NRTN: variants seen among roughly 807,000 people sequenced by gnomAD.
NRTN encodes neurturin, also known as prepro-neurturin.
A neutral mutation model predicts 7.5 loss-of-function variants in NRTN; 3 were observed. The ratio of observed to expected loss-of-function variants is 0.40; its 90% CI spans 0.18 to 1.03. NRTN has a LOEUF of 1.03. Among genes scored for constraint, NRTN ranks in the 50% least tolerant of loss-of-function variants. NRTN has a pLI of 0.34. For missense variants in NRTN, 310 were observed against 307.0 expected, an observed-to-expected ratio of 1.01 and a Z score of -0.07; for synonymous variants, 157 against 146.6, an observed-to-expected ratio of 1.07 and a Z score of -0.51.
intron 1 of NRTN, among the ~76,000 whole-genome samples, chr19:5,822,596 G>C (rs569310355): frequency 1.3e-5 from 2 of 152,220 alleles, no homozygotes; most frequent in South Asian, 2.1e-4. Flanking sequence ...GTAAAGCTCA[G>C]GGCATTCCTG....
chr19:5,819,072 T>G (rs894415003), intron 1 of NRTN, among the ~76,000 whole-genome samples: 1 of 152,100 alleles, frequency 6.6e-6, no homozygotes, highest in African/African-American at 2.4e-5. Flanking sequence ...CTTGAATGTG[T>G]GGGCAAGCAG....
rs1396945880 is a variant in NRTN at position 5,823,756 on chromosome 19, CT to C, written c.-398-11del. On this transcript the variant is annotated splice_polypyrimidine_tract_variant and intron_variant, in intron 1 of 2. Coordinates refer to ENST00000303212, the MANE Select transcript of NRTN (RefSeq NM_004558.5). ...ACCTCTCCTCCTTTCACTCTTCCCC[CT>C]GGCTCCTCAGCTGCAGCCGCTCCGG... 3 of 338,154 alleles carry C rather than the reference CT, an allele frequency of 8.9e-6. No individual in the cohort carries two copies. Among genetic ancestry groups the C allele is most frequent in the Admixed American group, 4.3e-5 (1 of 23,090 alleles). 20.9% of individuals were successfully genotyped at this position (338,154 alleles called of 1,614,324 possible).
At chr19:5,810,395 G>A (rs995102153) in intron 1 of NRTN, among the ~76,000 whole-genome samples, 1 of 151,498 alleles carries the variant, frequency 6.6e-6, no homozygotes, top group South Asian at 2.1e-4. Flanking sequence ...TTATAGGCAT[G>A]AGCCACCACA....
chr19:5,828,324 A>T lies in NRTN; in HGVS notation c.*151A>T. The T allele has an allele frequency of 4.5e-6, 4 of 891,744 alleles. No individual in the cohort carries two copies. The highest frequency in any genetic ancestry group is 6.4e-6 in the Non-Finnish European group (4 of 629,188). The allele number at this position is 891,744 out of a possible 1,614,324, so 55.2% of individuals were successfully genotyped here. ...TACTGAGATAAAGTGTGGCAACTCG[A>T]GCTGGCTGGTGATTCATCCTCGGCG... On this transcript the variant is annotated 3_prime_UTR_variant, in exon 3 of 3. Coordinates refer to ENST00000303212, the MANE Select transcript of NRTN (RefSeq NM_004558.5).
intron 1 of NRTN, among the ~76,000 whole-genome samples, chr19:5,813,272 T>C (rs376398660): frequency 1.5e-3 from 228 of 151,024 alleles, no homozygotes; most frequent in African/African-American, 4.9e-3. Context: ...CAGTGGTTCA[T>C]GCCTATAATT....
At chr19:5,827,605 G>T in intron 2 of NRTN, 144 bp from the exon 3 acceptor site, 2 of 278,802 alleles carry the variant, frequency 7.2e-6, no homozygotes, top group Non-Finnish European at 1.2e-5. Flanking sequence ...GGGGAAATTT[G>T]GGACCTGGGA....
chr19:5,822,594 CAG>C (rs1354314982), intron 1 of NRTN, among the ~76,000 whole-genome samples: 1 of 152,212 alleles, frequency 6.6e-6, no homozygotes, highest in Non-Finnish European at 1.5e-5. Flanking sequence ...GGGTAAAGCT[CAG>C]GGCATTCCTG....
chr19:5,821,966 A>G (rs2057026300), intron 1 of NRTN, among the ~76,000 whole-genome samples: 1 of 152,166 alleles, frequency 6.6e-6, no homozygotes, highest in Non-Finnish European at 1.5e-5. Flanking sequence ...ACCCTTGGAC[A>G]AGCCCCTACC....
rs539111910 is a variant in NRTN at position 5,826,443 on chromosome 19, G to C, written c.170-1306G>C. On this transcript the variant is annotated intron_variant, in intron 2 of 2. Transcript: ENST00000303212. ...ACTGAGGCCTGAGGTTGCAAGTGGC[G>C]AAAGTGGCAGAGTCATGCTCTGAGG... Among the ~76,000 whole-genome samples, 271 of 152,270 alleles carry C rather than the reference G, an allele frequency of 1.8e-3. 1 individual carries two copies. The highest frequency in any genetic ancestry group is 6.2e-3 in the African/African-American group (258 of 41,546).
At chr19:5,815,500 C>G (rs1418865798) in intron 1 of NRTN, among the ~76,000 whole-genome samples, 2 of 148,448 alleles carry the variant, frequency 1.3e-5, no homozygotes, top group Non-Finnish European at 3.0e-5. Flanking sequence ...GGCGCGATCT[C>G]GGCTCACTGC....
intron 2 of NRTN, 98 bp from the exon 3 acceptor site, chr19:5,827,651 C>G (rs1438088645): frequency 4.1e-6 from 2 of 484,776 alleles, no homozygotes; most frequent in Non-Finnish European, 5.6e-6. Flanking sequence ...GGCGTCCCAG[C>G]AAGGGTCTTC....
chr19:5,817,393 G>A lies in NRTN; in HGVS notation c.-398-6375G>A, dbSNP rs2057008189. ...AGGGAAGGAAGGAGGGAGGAAAGGAGTGAGGGAGGGAGGGAAAGAGAGAGG... is the reference window on the plus strand; with the variant it reads ...AGGGAAGGAAGGAGGGAGGAAAGGAATGAGGGAGGGAGGGAAAGAGAGAGG... On this transcript the variant is annotated intron_variant, in intron 1 of 2. Transcript: ENST00000303212. Among the ~76,000 whole-genome samples the A allele has an allele frequency of 2.0e-5, 3 of 148,954 alleles. No individual in the cohort carries two copies. In the South Asian group the frequency reaches 6.5e-4, roughly 32 times the overall value.
At chr19:5,820,546 C>T (rs139143223) in intron 1 of NRTN, among the ~76,000 whole-genome samples, 1 of 132,648 alleles carries the variant, frequency 7.5e-6, no homozygotes, top group East Asian at 2.1e-4. Context: ...GCCTGGGCGA[C>T]AGAGTGAGAC....
rs527278706 is a variant in NRTN, at chr19:5,805,631, G to T, written c.-399+180G>T. ...GAGGGACGACAGGTCAGCGCGTGGG[G>T]AGGGGCGGGGGCGTGAAGCCAGATC... On this transcript the variant is annotated intron_variant, in intron 1 of 2. Coordinates refer to ENST00000303212, the MANE Select transcript of NRTN (RefSeq NM_004558.5). Among the ~76,000 whole-genome samples, 8 of 152,030 alleles carry T rather than the reference G, an allele frequency of 5.3e-5. No homozygotes were observed. In the South Asian group the frequency reaches 1.7e-3, roughly 32 times the overall value.
In NRTN at chr19:5,828,033, C is replaced by T. The variant is rs749709612; in HGVS notation, c.454C>T (p.Arg152Trp). 2 of 1,414,304 alleles carry T rather than the reference C, an allele frequency of 1.4e-6. No individual in the cohort carries two copies. Among genetic ancestry groups the T allele is most frequent in the Non-Finnish European group, 1.8e-6 (2 of 1,092,920 alleles). The allele number at this position is 1,414,304 out of a possible 1,614,324, so 87.6% of individuals were successfully genotyped here. A position where few individuals can be genotyped will look rare whatever the true frequency, so the allele number is the denominator to read the frequency against. ...CGGGCTGCGACGACTGCGCCAGCGG[C>T]GGCGCCTGCGGCGGGAGCGGGTGCG... ...DLGLRRLRQR[R>W]RLRRERVRAQ... is the part of the protein sequence containing the mutation. Residue 152 changes from arginine to tryptophan, a missense_variant, in exon 3 of 3, where the codon CGG becomes TGG. Arg to Trp is a moderately radical substitution (Grantham distance 101, BLOSUM62 -3). Transcript: ENST00000303212.
At chr19:5,824,804 A>T (rs931877231) in intron 2 of NRTN, among the ~76,000 whole-genome samples, 3 of 152,000 alleles carry the variant, frequency 2.0e-5, no homozygotes, top group South Asian at 2.1e-4. Flanking sequence ...TAATAAATAC[A>T]TTTTCTAAAA....
chr19:5,813,733 G>T (rs1219609598), intron 1 of NRTN, among the ~76,000 whole-genome samples: 2 of 151,652 alleles, frequency 1.3e-5, no homozygotes, highest in Non-Finnish European at 2.9e-5. Context: ...CCAGTTACTC[G>T]GGAGGCTGAG....
At chr19:5,820,051 G>A (rs2057018083) in intron 1 of NRTN, among the ~76,000 whole-genome samples, 1 of 151,682 alleles carries the variant, frequency 6.6e-6, no homozygotes, top group Admixed American at 6.6e-5. Flanking sequence ...TGGATCACAA[G>A]GTCAGGAGAT....
intron 1 of NRTN, among the ~76,000 whole-genome samples, chr19:5,816,878 T>C (rs997927444): frequency 6.6e-6 from 1 of 152,192 alleles, no homozygotes; most frequent in African/African-American, 2.4e-5. Flanking sequence ...TGTTTGAGTG[T>C]GACTGTGAAA....
Sources: allele counts gnomAD v4.1 joint callset (sites outside exome capture counted in the v4.1 genomes callset), GRCh38; gene constraint gnomAD v4.1.1; transcripts MANE v1.5; gene names NCBI Gene and HGNC (gene_info 2026-07-23, HGNC 2026-07-21).